Variants in C22orf31 observed in about 807,000 individuals in gnomAD.
C22orf31 encodes uncharacterized protein C22orf31.
C22orf31 carries 11 observed loss-of-function variants against 15.0 expected under a neutral mutation model. That is an observed-to-expected ratio of 0.73 (90% CI 0.46 to 1.21). The LOEUF (loss-of-function observed/expected upper bound fraction) is 1.21, where lower values mean the gene tolerates loss of function less well. Ranked by LOEUF, C22orf31 falls within the 50% of genes most tolerant of loss-of-function variation. The probability of loss-of-function intolerance (pLI) is 0.00; values close to 1 mark genes in which losing one functional copy is unlikely to be tolerated. For synonymous variants in C22orf31, 132 were observed against 133.3 expected (o/e 0.99, Z 0.07); for missense variants, 340 against 347.2 (o/e 0.98, Z 0.17).
the C22orf31 span, among the ~76,000 whole-genome samples, chr22:29,069,288 T>C: frequency 4.6e-5 from 7 of 152,248 alleles, no homozygotes; most frequent in African/African-American, 1.7e-4. Context: ...CATTTGCTAT[T>C]GCTGTCATTA....
chr22:29,062,453 A>G (rs134559), upstream of C22orf31, among the ~76,000 whole-genome samples: 113,883 of 152,048 alleles, frequency 0.75, 43,119 homozygotes, highest in African/African-American at 0.84. Context: ...CAAATGCAGT[A>G]ATTAGAGCTG....
the C22orf31 span, among the ~76,000 whole-genome samples, chr22:29,072,196 G>A: frequency 6.6e-6 from 1 of 152,264 alleles, no homozygotes; most frequent in South Asian, 2.1e-4. Flanking sequence ...CCAGGCTGGA[G>A]TGCAGTGGTG....
At chr22:29,071,512 C>T in the C22orf31 span, among the ~76,000 whole-genome samples, 1 of 152,174 alleles carries the variant, frequency 6.6e-6, no homozygotes, top group South Asian at 2.1e-4. Flanking sequence ...CGCCCAGCCG[C>T]GCTCTGGGTG....
rs770651189 is a variant in C22orf31, at chr22:29,060,640, T to C, written c.207A>G (p.Leu69=). 16 of 1,613,964 alleles carry C rather than the reference T, an allele frequency of 9.9e-6. No homozygotes were observed. Among genetic ancestry groups the C allele is most frequent in the African/African-American group, 1.3e-5 (1 of 74,882 alleles). Residue 69 remains leucine, a synonymous_variant, in exon 2 of 3, where the codon TTA becomes TTG. Transcript: ENST00000216071. ...TSSWEVVRNP[L]IASSFSLVKL... The stretch of plus-strand genomic sequence containing the variant: ...TAACCAGGGAGAAGGAACTGGCAAT[T>C]AATGGGTTCCTTACAACTTCCCAAG...
At chr22:29,059,971 G>A (rs1251909756) in intron 2 of C22orf31, 10 of 975,974 alleles carry the variant, frequency 1.0e-5, no homozygotes, top group Non-Finnish European at 3.6e-6. Flanking sequence ...CCCACATTCT[G>A]TCTTCAACTT....
At chr22:29,062,877 A>G (rs940847307), upstream of C22orf31, among the ~76,000 whole-genome samples, 2 of 151,918 alleles carry the variant, frequency 1.3e-5, no homozygotes, top group African/African-American at 4.8e-5. Context: ...AGGGCTTTGG[A>G]AAGGGTTTGT....
the C22orf31 span, among the ~76,000 whole-genome samples, chr22:29,072,135 G>A: frequency 6.6e-6 from 1 of 150,808 alleles, no homozygotes; most frequent in Non-Finnish European, 1.5e-5. Context: ...TTTCGTTTTG[G>A]TTTTTTTTTG....
At chr22:29,071,728 C>G in the C22orf31 span, among the ~76,000 whole-genome samples, 8 of 152,022 alleles carry the variant, frequency 5.3e-5, no homozygotes, top group Non-Finnish European at 1.0e-4. Flanking sequence ...GGCCCACGAC[C>G]GACCCCGGGT....
the C22orf31 span, among the ~76,000 whole-genome samples, chr22:29,072,667 C>A: frequency 6.6e-6 from 1 of 152,210 alleles, no homozygotes; most frequent in Non-Finnish European, 1.5e-5. Context: ...TAGCTGAGCT[C>A]GCGCGTGGGT....
In C22orf31 at chr22:29,060,620, A is replaced by G; in HGVS notation, c.227T>C (p.Leu76Pro). ...RNPLIASSFS[L>P]VKLVLRRQLK... ...TTGCCGCCTGAGTACAAGCTTAACC[A>G]GGGAGAAGGAACTGGCAATTAATGG... The change falls in exon 2 of 3, where the codon CTG becomes CCG. Residue 76 changes from leucine to proline, a missense_variant. Coordinates refer to ENST00000216071, the MANE Select transcript of C22orf31 (RefSeq NM_015370.2). 2 of 1,614,180 alleles carry G rather than the reference A, an allele frequency of 1.2e-6. No individual in the cohort carries two copies. The highest frequency in any genetic ancestry group is 1.7e-6 in the Non-Finnish European group (2 of 1,180,020).
chr22:29,067,699 C>A, the C22orf31 span, among the ~76,000 whole-genome samples: 1 of 152,168 alleles, frequency 6.6e-6, no homozygotes, highest in African/African-American at 2.4e-5. Flanking sequence ...CAGCATCGGA[C>A]TCCCAAGGTA....
the C22orf31 span, chr22:29,073,336 G>A: frequency 8.5e-5 from 25 of 294,744 alleles, no homozygotes; most frequent in Middle Eastern, 2.7e-3. The surrounding 1 kb of genome is among the most constrained non-coding windows in gnomAD (Gnocchi z 4.4). Context: ...GACCTTCCGG[G>A]CCCCTTCCCC....
chr22:29,063,591 G>A (rs2037410463), upstream of C22orf31, among the ~76,000 whole-genome samples: 1 of 152,158 alleles, frequency 6.6e-6, no homozygotes, highest in Admixed American at 6.5e-5. Flanking sequence ...GCCACAACAG[G>A]TAACCCTCAG....
At chr22:29,073,905 A>G in the C22orf31 span, among the ~76,000 whole-genome samples, 1 of 151,780 alleles carries the variant, frequency 6.6e-6, no homozygotes, top group African/African-American at 2.4e-5. This position sits in a 1 kb window ranked among gnomAD's most constrained non-coding sequence, Gnocchi z 4.4. Flanking sequence ...CCCCGCTACA[A>G]GAGGCTATAC....
chr22:29,072,188 A>G, the C22orf31 span, among the ~76,000 whole-genome samples: 1 of 151,982 alleles, frequency 6.6e-6, no homozygotes, highest in Admixed American at 6.6e-5. Flanking sequence ...TCTGTCACCC[A>G]GGCTGGAGTG....
At chr22:29,065,966 G>A (rs1184972804), upstream of C22orf31, among the ~76,000 whole-genome samples, 2 of 151,962 alleles carry the variant, frequency 1.3e-5, no homozygotes, top group South Asian at 2.1e-4. Context: ...CTAAACCACC[G>A]CTTCTATTTG....
the C22orf31 span, among the ~76,000 whole-genome samples, chr22:29,067,890 T>A: frequency 4.6e-5 from 7 of 151,964 alleles, no homozygotes; most frequent in Non-Finnish European, 7.4e-5. Context: ...GGATTACAAA[T>A]GTGAGCCACC....
chr22:29,069,176 G>C, the C22orf31 span, among the ~76,000 whole-genome samples: 724 of 152,274 alleles, frequency 4.8e-3, 3 homozygotes, highest in Non-Finnish European at 7.4e-3. Context: ...TCTGGGGTGG[G>C]TGTGGGGCTG....
the C22orf31 span, among the ~76,000 whole-genome samples, chr22:29,070,187 T>G: frequency 6.6e-6 from 1 of 152,200 alleles, no homozygotes; most frequent in Non-Finnish European, 1.5e-5. Flanking sequence ...ACTCAGGTGA[T>G]CCACCTGCCT....
Sources: allele counts gnomAD v4.1 joint callset (sites outside exome capture counted in the v4.1 genomes callset), GRCh38; gene constraint gnomAD v4.1.1; non-coding constraint Gnocchi (gnomAD v3.1); transcripts MANE v1.5; gene names NCBI Gene and HGNC (gene_info 2026-07-23, HGNC 2026-07-21).